OSBPL1A: variants seen among roughly 807,000 people sequenced by gnomAD.
The protein encoded by OSBPL1A is oxysterol binding protein like 1A, also known as oxysterol-binding protein-related protein 1.
A neutral mutation model predicts 137.1 loss-of-function variants in OSBPL1A; 80 were observed. The ratio of observed to expected loss-of-function variants is 0.58; its 90% CI spans 0.49 to 0.70. OSBPL1A has a LOEUF of 0.70. Ranked by LOEUF, OSBPL1A falls within the 30% of genes least tolerant of loss-of-function variation. OSBPL1A has a pLI of 0.00. For missense variants in OSBPL1A, 970 were observed against 1,129.4 expected, an observed-to-expected ratio of 0.86 and a Z score of 2.02; for synonymous variants, 365 against 389.7, an observed-to-expected ratio of 0.94 and a Z score of 0.75.
intron 4 of OSBPL1A, among the ~76,000 whole-genome samples, chr18:24,352,859 C>T (rs1298924762): frequency 2.0e-5 from 3 of 152,044 alleles, no homozygotes; most frequent in Non-Finnish European, 4.4e-5. Flanking sequence ...AACTGGCTAG[C>T]CATATGTAGA....
At chr18:24,179,684 A>T (rs924483326) in intron 20 of OSBPL1A, 54 bp downstream of exon 20, 12 of 1,439,924 alleles carry the variant, frequency 8.3e-6, no homozygotes, top group Non-Finnish European at 1.2e-5. Context: ...ATATGTATGT[A>T]TTTCTCCTCT....
intron 13 of OSBPL1A, among the ~76,000 whole-genome samples, chr18:24,304,255 A>C (rs1274077724): frequency 6.6e-6 from 1 of 152,194 alleles, no homozygotes; most frequent in Non-Finnish European, 1.5e-5. Flanking sequence ...AAGCTTCTGA[A>C]AATAAGGTAA....
chr18:24,306,617 A>G (rs1219656010), intron 13 of OSBPL1A, among the ~76,000 whole-genome samples: 1 of 152,172 alleles, frequency 6.6e-6, no homozygotes, highest in African/African-American at 2.4e-5. Flanking sequence ...TCATTATATC[A>G]GTGTCATTAG....
intron 16 of OSBPL1A, among the ~76,000 whole-genome samples, chr18:24,231,558 G>T (rs1048443686): frequency 6.6e-6 from 1 of 152,198 alleles, no homozygotes; most frequent in Admixed American, 6.5e-5. Flanking sequence ...AAAGTGCTAG[G>T]ATTACAGGTG....
At chr18:24,208,351 G>A (rs1056823192) in intron 17 of OSBPL1A, among the ~76,000 whole-genome samples, 8 of 151,906 alleles carry the variant, frequency 5.3e-5, no homozygotes, top group African/African-American at 1.5e-4. Context: ...TTAAACAATG[G>A]TTGAAAACAA....
At chr18:24,168,557 C>T (rs558807818) in intron 24 of OSBPL1A, among the ~76,000 whole-genome samples, 7 of 152,232 alleles carry the variant, frequency 4.6e-5, no homozygotes, top group African/African-American at 1.4e-4. Context: ...GGAGAGGTCA[C>T]GACCGCTTTT....
At chr18:24,255,449 C>G (rs2089242197) in intron 15 of OSBPL1A, among the ~76,000 whole-genome samples, 1 of 152,174 alleles carries the variant, frequency 6.6e-6, no homozygotes, top group Non-Finnish European at 1.5e-5. Flanking sequence ...GCCTCCCACT[C>G]TATTCAAAGT....
chr18:24,311,787 A>G (rs931359), intron 13 of OSBPL1A, among the ~76,000 whole-genome samples, 197 bp downstream of exon 13: 39,612 of 152,186 alleles, frequency 0.26, 5,928 homozygotes, highest in African/African-American at 0.41. Context: ...TCATCAGAGC[A>G]TATCTACAAA....
Position 24,318,518 on chromosome 18 carries a change from A to AT in OSBPL1A, c.732+82dup. 3 of 1,194,984 alleles carry AT rather than the reference A, an allele frequency of 2.5e-6. No individual in the cohort carries two copies. In the South Asian group the frequency reaches 4.1e-5, roughly 16 times the overall value. The allele number at this position is 1,194,984 out of a possible 1,614,324, so 74.0% of individuals were successfully genotyped here. A position where few individuals can be genotyped will look rare whatever the true frequency, so the allele number is the denominator to read the frequency against. On this transcript the variant is annotated intron_variant, in intron 9 of 27. Coordinates refer to ENST00000319481, the MANE Select transcript of OSBPL1A (RefSeq NM_080597.4). ...TTAAATCACATATACTTCAGAAATG[A>AT]TTTTTTAAAAGTTTTAAACAGAAAT...
At chr18:24,195,873 G>A in intron 18 of OSBPL1A, 1 of 443,714 alleles carries the variant, frequency 2.3e-6, no homozygotes, top group South Asian at 2.2e-5. Context: ...AATGTGCTGT[G>A]TCAACAGAAA....
At chr18:24,350,050 C>T (rs1444258145) in intron 4 of OSBPL1A, among the ~76,000 whole-genome samples, 1 of 151,954 alleles carries the variant, frequency 6.6e-6, no homozygotes, top group Non-Finnish European at 1.5e-5. Context: ...CCCATCTGAC[C>T]CCGAACATTT....
chr18:24,190,568 A>C (rs2086864596), intron 18 of OSBPL1A, among the ~76,000 whole-genome samples: 1 of 152,166 alleles, frequency 6.6e-6, no homozygotes, highest in Admixed American at 6.5e-5. Flanking sequence ...CGACATGAGA[A>C]ATAGGGTCTT....
At chr18:24,392,871 T>C (rs1261479500) in intron 1 of OSBPL1A, among the ~76,000 whole-genome samples, 1 of 152,082 alleles carries the variant, frequency 6.6e-6, no homozygotes, top group East Asian at 1.9e-4. Context: ...TTGTATCTTT[T>C]ATAGAGATGT....
chr18:24,239,981 A>G (rs2088636969), intron 15 of OSBPL1A, among the ~76,000 whole-genome samples: 1 of 133,630 alleles, frequency 7.5e-6, no homozygotes, highest in Admixed American at 9.1e-5. Flanking sequence ...GCTGGAGTGC[A>G]GTGGTGCGAT....
intron 21 of OSBPL1A, among the ~76,000 whole-genome samples, 189 bp downstream of exon 21, chr18:24,177,824 A>G (rs1188007844): frequency 6.6e-6 from 1 of 152,236 alleles, no homozygotes; most frequent in Non-Finnish European, 1.5e-5. Flanking sequence ...ATTTACACAT[A>G]CCCAGATTAA....
chr18:24,164,586 G>A (rs1433252181), intron 27 of OSBPL1A, among the ~76,000 whole-genome samples: 3 of 151,798 alleles, frequency 2.0e-5, no homozygotes, highest in Non-Finnish European at 4.4e-5. Context: ...CCGCCACCAC[G>A]CCCAGCTAAT....
chr18:24,273,748 T>A (rs1439092254), intron 15 of OSBPL1A, among the ~76,000 whole-genome samples: 1 of 152,178 alleles, frequency 6.6e-6, no homozygotes, highest in Admixed American at 6.5e-5. Context: ...TGATAAATGC[T>A]ATGACAGCCA....
chr18:24,277,747 A>T (rs2089876687), intron 15 of OSBPL1A, among the ~76,000 whole-genome samples: 1 of 152,184 alleles, frequency 6.6e-6, no homozygotes, highest in Non-Finnish European at 1.5e-5. Flanking sequence ...CTATGTTGTA[A>T]TCCTTATGCA....
intron 1 of OSBPL1A, among the ~76,000 whole-genome samples, chr18:24,391,029 G>T (rs1907318908): frequency 6.6e-6 from 1 of 151,854 alleles, no homozygotes; most frequent in Non-Finnish European, 1.5e-5. Flanking sequence ...GAGCCCGGGA[G>T]GCAGGGGTTG....
Sources: allele counts gnomAD v4.1 joint callset (sites outside exome capture counted in the v4.1 genomes callset), GRCh38; gene constraint gnomAD v4.1.1; transcripts MANE v1.5; gene names NCBI Gene and HGNC (gene_info 2026-07-23, HGNC 2026-07-21).